TKT: variants seen among roughly 807,000 people sequenced by gnomAD.
The protein encoded by TKT is transketolase.
In TKT, 47 loss-of-function variants were observed where a neutral mutation model predicts 63.9. The observed-to-expected ratio is 0.74, with a 90% CI of 0.58 to 0.94. The LOEUF is 0.94. Among genes scored for constraint, TKT ranks in the 40% least tolerant of loss-of-function variants. The pLI, the probability that TKT is intolerant of heterozygous loss-of-function variation, is 0.00. For synonymous variants in TKT, 338 were observed against 334.1 expected (o/e 1.01, Z -0.13); for missense variants, 721 against 846.2 (o/e 0.85, Z 1.84).
rs144140565 is a variant in TKT at position 53,230,443 on chromosome 3, G to A, written c.1107+14C>T. On this transcript the variant is annotated intron_variant, in intron 8 of 13. Transcript: ENST00000462138. ...GCCTTGGGTGGACCTGTCCCTGCCGGCCCCAGCACCTACCATGTTCTGCTC... is the reference window on the plus strand; with the variant it reads ...GCCTTGGGTGGACCTGTCCCTGCCGACCCCAGCACCTACCATGTTCTGCTC... 2.8e-4 allele frequency: 445 copies of A among 1,614,128 alleles called. 4 individuals are homozygous for A. The East Asian group carries it at 8.5e-3, about 31-fold the overall frequency.
At chr3:53,228,794 A>T in intron 10 of TKT, 1 of 677,850 alleles carries the variant, frequency 1.5e-6, no homozygotes, top group Non-Finnish European at 2.5e-6. Flanking sequence ...CAGCAGAGAC[A>T]GACTGGCAAT....
rs782290652 is a variant in TKT at position 53,241,297 on chromosome 3, C to T, written c.226-52G>A. ...GGTCAGGTGGGGAGCGGTTCTACTT[C>T]GGGCTGTGCCTACTTCACACTGACC... On this transcript the variant is annotated intron_variant, in intron 2 of 13. Coordinates refer to ENST00000462138, the MANE Select transcript of TKT (RefSeq NM_001064.4). The T allele has an allele frequency of 5.3e-5, 80 of 1,504,326 alleles. 3 individuals carry two copies. The South Asian group carries it at 6.0e-4, about 11-fold the overall frequency. The allele number at this position is 1,504,326 out of a possible 1,614,324, so 93.2% of individuals were successfully genotyped here.
rs1704615684 is a variant in TKT, at chr3:53,228,850, C to CA, written c.1395+156_1395+157insT. 26 of 1,071,242 alleles carry CA rather than the reference C, an allele frequency of 2.4e-5. No homozygotes were observed. In the South Asian group the frequency reaches 4.0e-4, roughly 16 times the overall value. 66.4% of individuals were successfully genotyped at this position (1,071,242 alleles called of 1,614,324 possible). On this transcript the variant is annotated intron_variant, in intron 10 of 13. Coordinates refer to ENST00000462138, the MANE Select transcript of TKT (RefSeq NM_001064.4). ...GTGGCAGTAAGTGGGGTGTGTATTTCGTTTTTTCTTGTCTAACTTCCACAA... is the reference window on the plus strand; with the variant it reads ...GTGGCAGTAAGTGGGGTGTGTATTTCAGTTTTTTCTTGTCTAACTTCCACAA...
chr3:53,232,670 C>A, intron 6 of TKT: 1 of 397,998 alleles, frequency 2.5e-6, no homozygotes, highest in Non-Finnish European at 4.4e-6. Context: ...GGTTCCAAAC[C>A]CCCCAAGGCT....
intron 12 of TKT, 48 bp from the exon 13 acceptor site, chr3:53,226,926 C>A: frequency 6.4e-7 from 1 of 1,558,898 alleles, no homozygotes. Context: ...CTGGGCACCA[C>A]TATCTGCCCT....
chr3:53,229,175 C>G, intron 9 of TKT, 38 bp from the exon 10 acceptor site: 2 of 1,613,710 alleles, frequency 1.2e-6, no homozygotes, highest in Non-Finnish European at 1.7e-6. Context: ...AAATAAGACC[C>G]CTACCCCCCC....
At chr3:53,241,668 AGGGGG>A (rs1194701388) in intron 2 of TKT, among the ~76,000 whole-genome samples, 2 of 151,780 alleles carry the variant, frequency 1.3e-5, no homozygotes, top group African/African-American at 4.8e-5. Flanking sequence ...TCCACCCAGA[AGGGGG>A]GGGTCAGGGG....
At chr3:53,249,045 C>A (rs1360257356) in intron 1 of TKT, among the ~76,000 whole-genome samples, 1 of 151,988 alleles carries the variant, frequency 6.6e-6, no homozygotes, top group African/African-American at 2.4e-5. Context: ...TGGCTCACTG[C>A]AACCTCCGCC....
chr3:53,227,937 A>G, intron 12 of TKT, 119 bp downstream of exon 12: 1 of 823,594 alleles, frequency 1.2e-6, no homozygotes, highest in Non-Finnish European at 1.9e-6. Flanking sequence ...ATGAAATGAA[A>G]TGCTTTCTCT....
At chr3:53,228,877 C>G in intron 10 of TKT, 130 bp downstream of exon 10, 3 of 1,333,966 alleles carry the variant, frequency 2.2e-6, no homozygotes, top group Non-Finnish European at 3.1e-6. Flanking sequence ...CTTCCACAAG[C>G]TACACGAACA....
chr3:53,235,362 C>A (rs1704976925), intron 4 of TKT, 188 bp from the exon 5 acceptor site: 2 of 500,992 alleles, frequency 4.0e-6, no homozygotes, highest in African/African-American at 3.9e-5. Flanking sequence ...ACAAGCCACA[C>A]CCCAAGAGAA....
chr3:53,234,022 G>A (rs1704893607), intron 5 of TKT: 1 of 152,292 alleles, frequency 6.6e-6, no homozygotes, highest in African/African-American at 2.4e-5. Context: ...AATCTGGCTT[G>A]AGTCACGAGG....
Position 53,228,106 on chromosome 3 carries a change from G to A in TKT, c.1523C>T (p.Ala508Val), listed in dbSNP as rs1364041213. The part of the protein sequence containing the change: ...SKDDQVTVIG[A>V]GVTLHEALAA... ...CAAGGCCTCGTGCAGGGTCACCCCAGCCCCGATAACGGTCACCTGGTCATC... is the reference window on the plus strand; with the variant it reads ...CAAGGCCTCGTGCAGGGTCACCCCAACCCCGATAACGGTCACCTGGTCATC... Residue 508 changes from alanine (A) to valine (V), a missense_variant, in exon 12 of 14, where the codon GCT becomes GTT. Physicochemically the swap from Ala to Val is moderately conservative, Grantham distance 64 (BLOSUM62 0). Coordinates refer to ENST00000462138, the MANE Select transcript of TKT (RefSeq NM_001064.4). 1.2e-6 allele frequency: 2 copies of A among 1,613,752 alleles called. No individual in the cohort carries two copies. The highest frequency in any genetic ancestry group is 2.7e-5 in the African/African-American group (2 of 74,940).
Position 53,237,495 on chromosome 3 carries a change from TACACACACACACACACAC to T in TKT, c.438-2339_438-2322del, listed in dbSNP as rs3075727. Among the ~76,000 whole-genome samples, 1,040 of 144,896 alleles carry T rather than the reference TACACACACACACACACAC, an allele frequency of 7.2e-3. 8 individuals are homozygous for T. The highest frequency in any genetic ancestry group is 0.022 in the African/African-American group (879 of 39,212). ...AAGTGTAATACTAGATTTTATATTA[TACACACACACACACACAC>T]ACACACACACACACACACACACTGG... is the stretch of plus-strand genomic sequence containing the variant. On this transcript the variant is annotated intron_variant, in intron 4 of 13. Coordinates refer to ENST00000462138, the MANE Select transcript of TKT (RefSeq NM_001064.4).
In TKT at chr3:53,229,127, C is replaced by G. The variant is rs782694242; in HGVS notation, c.1275G>C (p.Gly425=). The G allele has an allele frequency of 6.2e-7, 1 of 1,614,150 alleles. No homozygotes were observed. Residue 425 remains glycine (G), a synonymous_variant, in exon 10 of 14, where the codon GGG becomes GGC. Coordinates refer to ENST00000462138, the MANE Select transcript of TKT (RefSeq NM_001064.4). ...SHCGVSIGED[G]PSQMALEDLA... Reference sequence around the variant, plus strand: ...GATCTTCTAGGGCCATCTGGGAGGGCCCGTCTTCCCCTGGGGTGTGGGGGA... The same window carrying G: ...GATCTTCTAGGGCCATCTGGGAGGGGCCGTCTTCCCCTGGGGTGTGGGGGA...
In TKT at chr3:53,235,455, C is replaced by G. The variant is rs77952851; in HGVS notation, c.438-281G>C. 5.6e-3 allele frequency: 1,654 copies of G among 297,706 alleles called. 82 individuals carry two copies. The South Asian group carries it at 0.097, about 17-fold the overall frequency. The allele number at this position is 297,706 out of a possible 1,614,324, so 18.4% of individuals were successfully genotyped here. A position where few individuals can be genotyped will look rare whatever the true frequency, so the allele number is the denominator to read the frequency against. On this transcript the variant is annotated intron_variant, in intron 4 of 13. Coordinates refer to ENST00000462138, the MANE Select transcript of TKT (RefSeq NM_001064.4). ...GAGGTCTAGGACAACAGGGATCTGG[C>G]TAATAAGATCTAGAAAAATGGGGGT...
At chr3:53,232,502 C>T (rs1553677394) in intron 6 of TKT, 1 of 398,678 alleles carries the variant, frequency 2.5e-6, no homozygotes, top group Non-Finnish European at 4.4e-6. Flanking sequence ...GTGCCATAGA[C>T]TTCCTCTGTC....
chr3:53,248,799 C>A (rs1258501217), intron 1 of TKT, among the ~76,000 whole-genome samples: 2 of 151,884 alleles, frequency 1.3e-5, no homozygotes, highest in Non-Finnish European at 2.9e-5. Flanking sequence ...TAGTGGTTGC[C>A]CAGGACTGGG....
chr3:53,255,620 G>T (rs1221969064), intron 1 of TKT, among the ~76,000 whole-genome samples: 1 of 152,118 alleles, frequency 6.6e-6, no homozygotes, highest in Non-Finnish European at 1.5e-5. Context: ...AGGCCCACGC[G>T]GCCGAGCCCG....
Sources: allele counts gnomAD v4.1 joint callset (sites outside exome capture counted in the v4.1 genomes callset), GRCh38; gene constraint gnomAD v4.1.1; transcripts MANE v1.5; gene names NCBI Gene and HGNC (gene_info 2026-07-23, HGNC 2026-07-21).